CHTF8: variants seen among roughly 807,000 people sequenced by gnomAD.
The protein encoded by CHTF8 is chromosome transmission fidelity protein 8 homolog.
CHTF8 carries 6 observed loss-of-function variants against 11.0 expected under a neutral mutation model. The observed-to-expected ratio is 0.55, with a 90% CI of 0.30 to 1.08. The LOEUF is 1.08. Ranked by LOEUF, CHTF8 falls within the 50% of genes least tolerant of loss-of-function variation. The pLI is 0.07. For missense variants in CHTF8, 140 were observed against 153.1 expected (o/e 0.91, Z 0.45); for synonymous variants, 53 against 60.5 (o/e 0.88, Z 0.57).
intron 1 of CHTF8, among the ~76,000 whole-genome samples, chr16:69,123,649 A>AAATC (rs201428860): frequency 0.013 from 1,965 of 152,248 alleles, 22 homozygotes; most frequent in Non-Finnish European, 0.02. Context: ...CTGTCTCAAA[A>AAATC]AATCAATCAA....
intron 1 of CHTF8, among the ~76,000 whole-genome samples, chr16:69,130,792 G>A (rs1233214765): frequency 3.3e-5 from 5 of 152,234 alleles, no homozygotes; most frequent in Non-Finnish European, 5.9e-5. Flanking sequence ...GCATATTAAT[G>A]TTTATAACGG....
intron 1 of CHTF8, among the ~76,000 whole-genome samples, chr16:69,124,250 G>A (rs1310886106): frequency 6.6e-6 from 1 of 152,162 alleles, no homozygotes; most frequent in Admixed American, 6.5e-5. Flanking sequence ...TAGATTCATG[G>A]GGGGCTGATA....
Position 69,120,645 on chromosome 16 carries a change from A to G in CHTF8, c.146T>C (p.Ile49Thr). Residue 49 changes from isoleucine to threonine, a missense_variant, in exon 4 of 4, where the codon ATC (isoleucine) becomes ACC (threonine). Ile to Thr is a moderately conservative substitution (Grantham distance 89). Coordinates refer to ENST00000448552, the MANE Select transcript of CHTF8 (RefSeq NM_001039690.5). This position sits in a 1 kb window ranked among gnomAD's most constrained non-coding sequence, Gnocchi z 4.0. The part of the protein sequence containing the change: ...LGDLHYTTEG[I>T]PVLIVGHHIL... ...ATGATGCCCCACGATCAGCACAGGG[A>G]TTCCCTTTGGCAGAACAAGAACGAG... is the stretch of plus-strand genomic sequence containing the variant. The G allele has an allele frequency of 6.2e-7, 1 of 1,608,088 alleles. No individual in the cohort carries two copies. Among genetic ancestry groups the G allele is most frequent in the Non-Finnish European group, 8.5e-7 (1 of 1,175,130 alleles).
At chr16:69,123,098 C>A (rs1453589113) in intron 1 of CHTF8, among the ~76,000 whole-genome samples, 1 of 152,168 alleles carries the variant, frequency 6.6e-6, no homozygotes, top group Non-Finnish European at 1.5e-5. Context: ...TCTCACTCTG[C>A]TGCCCAAGAT....
chr16:69,128,548 CA>C (rs1962255545), intron 1 of CHTF8, among the ~76,000 whole-genome samples: 1 of 152,108 alleles, frequency 6.6e-6, no homozygotes, highest in African/African-American at 2.4e-5. Context: ...ATGAACTAAA[CA>C]ATACATAAAT....
At position 69,118,679 on chromosome 16, in the gene CHTF8, A is replaced by G. The variant is rs1597104794; in HGVS notation, c.*1746T>C. 2 of 675,666 alleles carry G rather than the reference A, an allele frequency of 3.0e-6. No homozygotes were observed. The highest frequency in any genetic ancestry group is 2.7e-5 in the East Asian group (1 of 37,006). The allele number at this position is 675,666 out of a possible 1,614,324, so 41.9% of individuals were successfully genotyped here. ...ACCTGCCACAGTTCACATGCCACAA[A>G]TAACATCTCACCTTCAGTCAAGAAA... On this transcript the variant is annotated 3_prime_UTR_variant, in exon 4 of 4. Coordinates refer to ENST00000448552, the MANE Select transcript of CHTF8 (RefSeq NM_001039690.5).
In CHTF8 at chr16:69,119,750, C is replaced by A. The variant is rs546492067; in HGVS notation, c.*675G>T. ...CCAAGGCCTGGGCCTGGAAACACACCTGACCTGGGGGCAGGGTTTGTCCCT... is the reference window on the plus strand; with the variant it reads ...CCAAGGCCTGGGCCTGGAAACACACATGACCTGGGGGCAGGGTTTGTCCCT... On this transcript the variant is annotated 3_prime_UTR_variant, in exon 4 of 4. Coordinates refer to ENST00000448552, the MANE Select transcript of CHTF8 (RefSeq NM_001039690.5). 1 of 695,254 alleles carries A rather than the reference C, an allele frequency of 1.4e-6. No individual in the cohort carries two copies. Among genetic ancestry groups the A allele is most frequent in the East Asian group, 2.7e-5 (1 of 37,006 alleles). The allele number at this position is 695,254 out of a possible 1,614,324, so 43.1% of individuals were successfully genotyped here. A position where few individuals can be genotyped will look rare whatever the true frequency, so the allele number is the denominator to read the frequency against.
At chr16:69,121,570 C>A (rs1207881971) in intron 1 of CHTF8, 77 bp from the exon 2 acceptor site, 2 of 818,520 alleles carry the variant, frequency 2.4e-6, no homozygotes, top group Admixed American at 2.7e-5. Flanking sequence ...CTCCACCTCC[C>A]GGGTTCAATC....
chr16:69,127,129 T>C (rs763405800), intron 1 of CHTF8, among the ~76,000 whole-genome samples: 1 of 151,496 alleles, frequency 6.6e-6, no homozygotes, highest in Non-Finnish European at 1.5e-5. Flanking sequence ...TCCCAGCTAC[T>C]CGGGAGGCTG....
intron 2 of CHTF8, 60 bp from the exon 3 acceptor site, chr16:69,121,230 TCA>T: frequency 6.7e-7 from 1 of 1,490,120 alleles, no homozygotes; most frequent in South Asian, 1.2e-5. Context: ...AATAGTGTCC[TCA>T]CACCACCATT....
In CHTF8 at chr16:69,120,404, T is replaced by C. The variant is rs762127102; in HGVS notation, c.*21A>G. 1.2e-6 allele frequency: 2 copies of C among 1,613,260 alleles called. No homozygotes were observed. Among genetic ancestry groups the C allele is most frequent in the Non-Finnish European group, 1.7e-6 (2 of 1,179,256 alleles). ...CGAGTCCAAGGAGTTGGCCGCTCTC[T>C]AGGGAAAATCCGAGGTTCTTTCATA... On this transcript the variant is annotated 3_prime_UTR_variant, in exon 4 of 4. Coordinates refer to ENST00000448552, the MANE Select transcript of CHTF8 (RefSeq NM_001039690.5). The surrounding 1 kb of genome is among the most constrained non-coding windows in gnomAD (Gnocchi z 4.0).
Position 69,118,280 on chromosome 16 carries a change from A to T in CHTF8, c.*2145T>A. ...CCCAGGAGAAGGGAGCTGCAGGCCC[A>T]GTCAGTCAAGCAGAAACTGCATTCG... On this transcript the variant is annotated 3_prime_UTR_variant, in exon 4 of 4. Coordinates refer to ENST00000448552, the MANE Select transcript of CHTF8 (RefSeq NM_001039690.5). The T allele has an allele frequency of 1.1e-6, 1 of 928,520 alleles. No homozygotes were observed. Among genetic ancestry groups the T allele is most frequent in the Non-Finnish European group, 1.8e-6 (1 of 562,058 alleles). 57.5% of individuals were successfully genotyped at this position (928,520 alleles called of 1,614,324 possible).
chr16:69,121,641 C>A (rs1236399342), intron 1 of CHTF8, 148 bp from the exon 2 acceptor site: 2 of 515,820 alleles, frequency 3.9e-6, no homozygotes, highest in Non-Finnish European at 3.5e-6. Context: ...CTATGGCCAG[C>A]TAACTTTTTG....
chr16:69,126,511 A>C lies in CHTF8; in HGVS notation c.-35-5018T>G, dbSNP rs537106610. ...ACCAGACATCTAGCAATGCTCCTGC[A>C]AATAGTTCTGTGGCCCACAGGCCTC... On this transcript the variant is annotated intron_variant, in intron 1 of 3. Transcript: ENST00000448552. Among the ~76,000 whole-genome samples, 11 of 152,306 alleles carry C rather than the reference A, an allele frequency of 7.2e-5. No individual in the cohort carries two copies. In the South Asian group the frequency reaches 1.0e-3, roughly 14 times the overall value.
chr16:69,125,697 A>G (rs1052694509), intron 1 of CHTF8, among the ~76,000 whole-genome samples: 6 of 152,212 alleles, frequency 3.9e-5, no homozygotes, highest in Non-Finnish European at 5.9e-5. Context: ...AAGAGGCCCC[A>G]CCACTACTCT....
At position 69,119,407 on chromosome 16, in the gene CHTF8, A is replaced by G. The variant is rs1351898293; in HGVS notation, c.*1018T>C. On this transcript the variant is annotated 3_prime_UTR_variant, in exon 4 of 4. Transcript: ENST00000448552. ...TGAGAAATGAGCTGAATTAGGGCCT[A>G]TGGGGCCAGGAGCCCTTGACATGGG... 1.0e-5 allele frequency: 7 copies of G among 702,776 alleles called. No homozygotes were observed. The East Asian group carries it at 1.9e-4, about 19-fold the overall frequency. The allele number at this position is 702,776 out of a possible 1,614,324, so 43.5% of individuals were successfully genotyped here. A position where few individuals can be genotyped will look rare whatever the true frequency, so the allele number is the denominator to read the frequency against.
chr16:69,123,048 T>A (rs577917992), intron 1 of CHTF8, among the ~76,000 whole-genome samples: 11 of 152,240 alleles, frequency 7.2e-5, no homozygotes, highest in African/African-American at 2.6e-4. Context: ...CTTGAGCCAC[T>A]GCACCCGGCC....
At chr16:69,121,352 G>T in intron 2 of CHTF8, 84 bp downstream of exon 2, 2 of 1,317,232 alleles carry the variant, frequency 1.5e-6, no homozygotes, top group East Asian at 2.3e-5. Flanking sequence ...TGCACCTAAG[G>T]ACCCTGATTC....
At chr16:69,123,798 C>T (rs577579502) in intron 1 of CHTF8, among the ~76,000 whole-genome samples, 1 of 152,016 alleles carries the variant, frequency 6.6e-6, no homozygotes, top group East Asian at 1.9e-4. Flanking sequence ...AATTAGATAA[C>T]AGACTTTGGC....
Sources: gnomAD v4.1 joint callset for allele counts (sites outside exome capture counted in the v4.1 genomes callset) on GRCh38, gnomAD v4.1.1 for gene constraint, Gnocchi (gnomAD v3.1) non-coding constraint, MANE v1.5 for transcripts, NCBI Gene and HGNC (gene_info 2026-07-23, HGNC 2026-07-21) for gene names.